Variants in GALNT9 observed in about 807,000 individuals in gnomAD.
GALNT9 encodes GalNAc transferase 9.
In GALNT9, 47 loss-of-function variants were observed where a neutral mutation model predicts 63.1. The observed-to-expected ratio is 0.75, with a 90% CI of 0.59 to 0.95. GALNT9 has a LOEUF of 0.95. Ranked by LOEUF, GALNT9 falls within the 40% of genes least tolerant of loss-of-function variation. The pLI is 0.00. For synonymous variants in GALNT9, 396 were observed against 365.7 expected (o/e 1.08, Z -0.94); for missense variants, 829 against 874.8 (o/e 0.95, Z 0.66).
intron 4 of GALNT9, among the ~76,000 whole-genome samples, chr12:132,259,006 C>T (rs1287375806): frequency 2.6e-5 from 4 of 152,228 alleles, no homozygotes; most frequent in African/African-American, 9.6e-5. Context: ...CCTGTGAGAC[C>T]ACACGGCTGT....
At chr12:132,275,518 T>C (rs2135553738) in intron 2 of GALNT9, 1 of 152,364 alleles carries the variant, frequency 6.6e-6, no homozygotes, top group East Asian at 1.9e-4. Flanking sequence ...CCGTGAATCC[T>C]CCTGGCCAAC....
rs950344498 is a variant in GALNT9, at chr12:132,203,530, T to C, written c.1238A>G (p.Tyr413Cys). ...VWMDDFKSHV[Y>C]MAWNIPMSNP... is the part of the protein sequence containing the mutation. ...CGACATGGGGATGTTCCAGGCCATGTACACGTGGGACTTGAAGTCATCCAT... is the reference window on the plus strand; with the variant it reads ...CGACATGGGGATGTTCCAGGCCATGCACACGTGGGACTTGAAGTCATCCAT... The change falls in exon 7 of 11, where the codon TAC becomes TGC. Residue 413 changes from tyrosine (Y) to cysteine (C), a missense_variant. Transcript: ENST00000328957. 2 of 1,613,766 alleles carry C rather than the reference T, an allele frequency of 1.2e-6. No individual in the cohort carries two copies. The highest frequency in any genetic ancestry group is 1.3e-5 in the African/African-American group (1 of 74,936).
At position 132,286,198 on chromosome 12, in the gene GALNT9, G is replaced by A. The variant is rs1372832363; in HGVS notation, c.419+52C>T. ...GTCACTTCCCTGGCCAGTGTGGGGG[G>A]CGGTCACTTCCTCGGCGGGCGTCGG... is the stretch of plus-strand genomic sequence containing the variant. On this transcript the variant is annotated intron_variant, in intron 2 of 10. Coordinates refer to ENST00000328957, the MANE Select transcript of GALNT9 (RefSeq NM_001122636.2). The surrounding 1 kb of genome is among the most constrained non-coding windows in gnomAD (Gnocchi z 7.4). The A allele has an allele frequency of 2.3e-5, 34 of 1,508,600 alleles. No individual in the cohort carries two copies. The highest frequency in any genetic ancestry group is 1.2e-4 in the Admixed American group (6 of 49,174). 93.5% of individuals were successfully genotyped at this position (1,508,600 alleles called of 1,614,324 possible).
At chr12:132,235,123 C>G (rs1408966255) in intron 6 of GALNT9, among the ~76,000 whole-genome samples, 1 of 111,254 alleles carries the variant, frequency 9.0e-6, no homozygotes, top group Non-Finnish European at 1.8e-5. Context: ...AGAGAGGAGA[C>G]AGCGTGGAGT....
In GALNT9 at chr12:132,245,573, G is replaced by A. The variant is rs1288590409; in HGVS notation, c.1077+2337C>T. Among the ~76,000 whole-genome samples, 2 of 150,434 alleles carry A rather than the reference G, an allele frequency of 1.3e-5. No individual in the cohort carries two copies. Among genetic ancestry groups the A allele is most frequent in the East Asian group, 3.9e-4 (2 of 5,092 alleles). On this transcript the variant is annotated intron_variant, in intron 6 of 10. Transcript: ENST00000328957. The surrounding 1 kb of genome is among the most constrained non-coding windows in gnomAD (Gnocchi z 6.3). ...GACCCTCGCCCAGCCAGGGCCCTCC[G>A]TGGTCCGGCACCCACACCCCCAGCC... is the stretch of plus-strand genomic sequence containing the variant.
chr12:132,300,169 C>T (rs1265887091), intron 1 of GALNT9, among the ~76,000 whole-genome samples: 1 of 149,082 alleles, frequency 6.7e-6, no homozygotes, highest in South Asian at 2.1e-4. Context: ...CCTGAGATAA[C>T]TCACTCCCAT....
chr12:132,200,768 G>T, intron 8 of GALNT9: 1 of 264,612 alleles, frequency 3.8e-6, no homozygotes, highest in South Asian at 4.9e-5. Context: ...ACGTGAGAGC[G>T]TAGGTACATT....
intron 1 of GALNT9, among the ~76,000 whole-genome samples, chr12:132,300,014 TAACTC>T (rs1881231900): frequency 7.3e-6 from 1 of 137,558 alleles, no homozygotes; most frequent in Non-Finnish European, 1.5e-5. Flanking sequence ...ACTCCTGAGA[TAACTC>T]ACTCCCATGA....
At chr12:132,288,132 G>A (rs1221649762) in intron 1 of GALNT9, among the ~76,000 whole-genome samples, 1 of 152,166 alleles carries the variant, frequency 6.6e-6, no homozygotes, top group African/African-American at 2.4e-5. Flanking sequence ...AGCCTGGTGG[G>A]ATCTCTGTAG....
At chr12:132,261,448 T>G (rs28623158) in intron 3 of GALNT9, among the ~76,000 whole-genome samples, 83,306 of 152,026 alleles carry the variant, frequency 0.55, 23,512 homozygotes, top group South Asian at 0.68. Flanking sequence ...CATGGATGGG[T>G]GGACACACAA....
At chr12:132,318,518 C>T (rs1290242667) in intron 1 of GALNT9, among the ~76,000 whole-genome samples, 7 of 152,380 alleles carry the variant, frequency 4.6e-5, no homozygotes, top group Non-Finnish European at 1.0e-4. Context: ...GGCCTCAGGG[C>T]CTCACAGGCA....
chr12:132,328,358 A>G (rs1869133922), intron 1 of GALNT9, among the ~76,000 whole-genome samples: 2 of 151,924 alleles, frequency 1.3e-5, no homozygotes, highest in Non-Finnish European at 2.9e-5. Flanking sequence ...ATGATCCTCA[A>G]CTCCATCCTC....
intron 3 of GALNT9, 136 bp from the exon 4 acceptor site, chr12:132,261,258 C>A: frequency 1.5e-6 from 2 of 1,367,296 alleles, no homozygotes; most frequent in Non-Finnish European, 1.9e-6. Flanking sequence ...CACTGAACCA[C>A]ATGTGGTTCA....
chr12:132,287,059 GCC>G (rs57471643), intron 1 of GALNT9, among the ~76,000 whole-genome samples: 41,657 of 80,608 alleles, frequency 0.52, 10,111 homozygotes, highest in Middle Eastern at 0.64. Flanking sequence ...CTGAGTGAGC[GCC>G]CCCCCCCCCC....
At chr12:132,299,392 T>C (rs1406213841) in intron 1 of GALNT9, among the ~76,000 whole-genome samples, 12 of 99,532 alleles carry the variant, frequency 1.2e-4, no homozygotes, top group South Asian at 7.9e-4. Context: ...ACCTAACCCA[T>C]CCCTGAGATG....
intron 2 of GALNT9, among the ~76,000 whole-genome samples, chr12:132,285,020 T>C (rs1555242029): frequency 6.6e-6 from 1 of 152,150 alleles, no homozygotes; most frequent in East Asian, 1.9e-4. Flanking sequence ...ACGCCTTTCC[T>C]CCTCCCCTCT....
intron 6 of GALNT9, among the ~76,000 whole-genome samples, chr12:132,213,696 A>C (rs1877065686): frequency 6.6e-6 from 1 of 152,254 alleles, no homozygotes. Context: ...TTCTGGGGTC[A>C]GCCCTCATGT....
chr12:132,328,217 G>A (rs1014832654), intron 1 of GALNT9, among the ~76,000 whole-genome samples: 1 of 152,158 alleles, frequency 6.6e-6, no homozygotes, highest in Admixed American at 6.5e-5. Flanking sequence ...TGCCGGTGCT[G>A]CTCCTCGGGC....
chr12:132,270,196 G>A (rs1555240591), intron 2 of GALNT9, among the ~76,000 whole-genome samples: 2 of 152,256 alleles, frequency 1.3e-5, no homozygotes, highest in Non-Finnish European at 2.9e-5. Flanking sequence ...TGTAAACTAT[G>A]GAATCAATAA....
Sources: allele counts gnomAD v4.1 joint callset (sites outside exome capture counted in the v4.1 genomes callset), GRCh38; gene constraint gnomAD v4.1.1; non-coding constraint Gnocchi (gnomAD v3.1); transcripts MANE v1.5; gene names NCBI Gene and HGNC (gene_info 2026-07-23, HGNC 2026-07-21).